CDH18: variants seen among roughly 807,000 people sequenced by gnomAD.
CDH18 encodes the protein cadherin-18.
CDH18 carries 31 observed loss-of-function variants against 67.9 expected under a neutral mutation model. The ratio of observed to expected loss-of-function variants is 0.46; its 90% CI spans 0.34 to 0.62. CDH18 has a LOEUF of 0.62. Ranked by LOEUF, CDH18 falls within the 20% of genes least tolerant of loss-of-function variation. The probability of loss-of-function intolerance (pLI) is 0.01; values close to 1 mark genes in which losing one functional copy is unlikely to be tolerated. For synonymous variants in CDH18, 362 were observed against 347.2 expected, an observed-to-expected ratio of 1.04 and a Z score of -0.48; for missense variants, 890 against 975.5, an observed-to-expected ratio of 0.91 and a Z score of 1.17.
intron 2 of CDH18, among the ~76,000 whole-genome samples, chr5:20,121,436 T>A (rs4866045): frequency 0.83 from 126,490 of 151,996 alleles, 54,585 homozygotes; most frequent in Non-Finnish European, 0.94. Flanking sequence ...TTTGTTGAAA[T>A]CTGTGTGAGC....
intron 5 of CDH18, among the ~76,000 whole-genome samples, chr5:19,666,563 C>T (rs1357274510): frequency 1.3e-4 from 19 of 151,920 alleles, no homozygotes; most frequent in Admixed American, 1.2e-3. Context: ...AAATTATGGC[C>T]ATTGAATCTG....
chr5:19,760,347 G>A (rs1416681403), intron 3 of CDH18, among the ~76,000 whole-genome samples: 2 of 152,126 alleles, frequency 1.3e-5, no homozygotes, highest in African/African-American at 2.4e-5. Flanking sequence ...CAGCTGGGAT[G>A]AGTAGGTCTA....
At chr5:20,158,419 T>A (rs1751726166) in intron 2 of CDH18, among the ~76,000 whole-genome samples, 1 of 152,222 alleles carries the variant, frequency 6.6e-6, no homozygotes, top group Non-Finnish European at 1.5e-5. Context: ...AAACCTTATA[T>A]GTAAATTCAC....
chr5:19,885,359 A>T (rs2150067960), intron 2 of CDH18, among the ~76,000 whole-genome samples: 1 of 152,358 alleles, frequency 6.6e-6, no homozygotes, highest in South Asian at 2.1e-4. Flanking sequence ...TTATCAAGCA[A>T]ATCAGATTTG....
At chr5:20,117,765 G>A (rs763506639) in intron 2 of CDH18, among the ~76,000 whole-genome samples, 1 of 152,176 alleles carries the variant, frequency 6.6e-6, no homozygotes, top group Non-Finnish European at 1.5e-5. Flanking sequence ...TCTGGAACAT[G>A]AATCGAACAA....
intron 2 of CDH18, among the ~76,000 whole-genome samples, chr5:20,004,074 A>T (rs185517412): frequency 6.6e-6 from 1 of 152,216 alleles, no homozygotes; most frequent in African/African-American, 2.4e-5. Flanking sequence ...ATCTGAAGCC[A>T]ACTACTTGCT....
At chr5:19,480,899 T>C (rs534442352) in intron 12 of CDH18, among the ~76,000 whole-genome samples, 1 of 152,222 alleles carries the variant, frequency 6.6e-6, no homozygotes, top group South Asian at 2.1e-4. Context: ...TACAGGTGCA[T>C]GCCACCATGA....
At chr5:20,016,049 C>T (rs1025544147) in intron 2 of CDH18, among the ~76,000 whole-genome samples, 1 of 152,044 alleles carries the variant, frequency 6.6e-6, no homozygotes, top group African/African-American at 2.4e-5. Flanking sequence ...ACAGCCAAAA[C>T]AATGAATCAA....
chr5:20,180,851 G>A (rs568466925), intron 2 of CDH18, among the ~76,000 whole-genome samples: 8 of 151,960 alleles, frequency 5.3e-5, no homozygotes, highest in South Asian at 2.1e-4. Context: ...CAGATCCCGC[G>A]ATAGACATGA....
intron 2 of CDH18, among the ~76,000 whole-genome samples, chr5:20,134,291 G>A (rs779261858): frequency 1.4e-4 from 21 of 152,030 alleles, no homozygotes; most frequent in East Asian, 3.9e-4. Flanking sequence ...CTTGTATATC[G>A]TTTTTATTTG....
At chr5:20,092,075 T>C (rs185381225) in intron 2 of CDH18, among the ~76,000 whole-genome samples, 15 of 152,262 alleles carry the variant, frequency 9.9e-5, no homozygotes, top group East Asian at 5.8e-4. Context: ...ATTAAGGTAA[T>C]TGCATTTTTT....
chr5:20,534,649 G>A (rs1756606356), intron 1 of CDH18, among the ~76,000 whole-genome samples: 1 of 151,674 alleles, frequency 6.6e-6, no homozygotes, highest in African/African-American at 2.4e-5. Context: ...ATTAAATTTG[G>A]AACTATGTAG....
intron 11 of CDH18, among the ~76,000 whole-genome samples, chr5:19,495,016 C>T (rs7703056): frequency 2.0e-5 from 3 of 152,186 alleles, no homozygotes; most frequent in South Asian, 2.1e-4. Context: ...ACAGTTCGTA[C>T]TGTGAGAACA....
chr5:19,992,873 T>G (rs1800061030), upstream of CDH18, among the ~76,000 whole-genome samples: 3 of 152,146 alleles, frequency 2.0e-5, no homozygotes, highest in Non-Finnish European at 4.4e-5. Context: ...TTTTTGAGTG[T>G]TGGGTGTTTA....
chr5:19,611,305 C>A (rs138151579), intron 6 of CDH18, among the ~76,000 whole-genome samples: 1 of 151,150 alleles, frequency 6.6e-6, no homozygotes, highest in Non-Finnish European at 1.5e-5. Flanking sequence ...TAGTATAACA[C>A]GAACAAGCAT....
chr5:19,638,653 C>A lies in CDH18; in HGVS notation c.644-26052G>T, dbSNP rs73760039. 3.8e-3 allele frequency among the ~76,000 whole-genome samples: 573 copies of A among 151,716 alleles called. 3 individuals are homozygous for A. Among genetic ancestry groups the A allele is most frequent in the African/African-American group, 0.013 (540 of 41,316 alleles). On this transcript the variant is annotated intron_variant, in intron 5 of 12. Transcript: ENST00000382275. ...ACAGTAGGAGGTTCCTGCCTTCCCC[C>A]CCCGCGCCCCACATAAAAAAATTAT... is the stretch of plus-strand genomic sequence containing the variant.
In CDH18 at chr5:20,538,896, C is replaced by CTTTT. The variant is rs775628726; in HGVS notation, c.-580+36565_-580+36566insAAAA. 2.6e-3 allele frequency among the ~76,000 whole-genome samples: 178 copies of CTTTT among 68,926 alleles called. 3 individuals carry two copies. Among genetic ancestry groups the CTTTT allele is most frequent in the Non-Finnish European group, 4.7e-3 (146 of 30,958 alleles). The allele number at this position is 68,926 out of a possible 152,430, so 45.2% of individuals were successfully genotyped here. On this transcript the variant is annotated intron_variant, in intron 1 of 14. Transcript: ENST00000507958. ...ACTGGATATACATCCACATAGCCAACTGTTTTTTTTTTGTTTTTTTTTTTT... is the reference window on the plus strand; with the variant it reads ...ACTGGATATACATCCACATAGCCAACTTTTTGTTTTTTTTTTGTTTTTTTTTTTT...
At chr5:19,953,761 C>T (rs1014731582) in intron 2 of CDH18, among the ~76,000 whole-genome samples, 2 of 151,898 alleles carry the variant, frequency 1.3e-5, no homozygotes, top group Non-Finnish European at 2.9e-5. Flanking sequence ...TTATGTCATT[C>T]TTCCATAGCC....
At chr5:20,380,495 T>C (rs890547290) in intron 1 of CDH18, among the ~76,000 whole-genome samples, 3 of 152,218 alleles carry the variant, frequency 2.0e-5, no homozygotes, top group Admixed American at 1.3e-4. Flanking sequence ...TCATTGTACT[T>C]AACCACGGTT....
Sources: gnomAD v4.1 joint callset for allele counts (sites outside exome capture counted in the v4.1 genomes callset) on GRCh38, gnomAD v4.1.1 for gene constraint, MANE v1.5 for transcripts, NCBI Gene and HGNC (gene_info 2026-07-23, HGNC 2026-07-21) for gene names.